XIAP: variants seen among roughly 807,000 people sequenced by gnomAD.
The protein encoded by XIAP is X-linked inhibitor of apoptosis.
XIAP carries 3 observed loss-of-function variants against 33.1 expected under a neutral mutation model. The ratio of observed to expected loss-of-function variants is 0.09; its 90% confidence interval spans 0.04 to 0.23. The LOEUF (loss-of-function observed/expected upper bound fraction) is 0.23. Ranked by LOEUF, XIAP falls within the 10% of genes least tolerant of loss-of-function variation. XIAP has a pLI of 1.00. For synonymous variants in XIAP, 98 were observed against 121.3 expected (o/e 0.81, Z 1.26); for missense variants, 264 against 363.0 (o/e 0.73, Z 2.22).
Position 123,909,534 on chromosome X carries a change from TA to T in XIAP, c.*2357del, listed in dbSNP as rs1332180474. On this transcript the variant is annotated 3_prime_UTR_variant, in exon 7 of 7. Transcript: ENST00000371199. The stretch of plus-strand genomic sequence containing the variant: ...AAGGGGAGAAAAGTGTTAAAATTTT[TA>T]AAATATGTTTTCCAGGACACTTCAC... The T allele has an allele frequency of 3.1e-6, 1 of 325,476 alleles. No individual in the cohort carries two copies. The highest frequency in any genetic ancestry group is 9.7e-5 in the East Asian group (1 of 10,260). 26.8% of individuals were successfully genotyped at this position (325,476 alleles called of 1,213,427 possible). A position where few individuals can be genotyped will look rare whatever the true frequency, so the allele number is the denominator to read the frequency against.
At chrX:123,879,317 T>TCA (rs2053275589) in intron 1 of XIAP, 1 of 90,999 alleles carries the variant, frequency 1.1e-5, no homozygotes, top group African/African-American at 4.2e-5. Flanking sequence ...CAGAAAGAGT[T>TCA]TTTTTTTTTT....
At position 123,901,545 on chromosome X, in the gene XIAP, TCTC is replaced by T. The variant is rs771136668; in HGVS notation, c.1300+855_1300+857del. Reference sequence around the variant, plus strand: ...ATCCTCCCTCCAAAAAGATGAGAATTCTCCTACTGCTAAAAAAACTTAAACGTT... The same window carrying T: ...ATCCTCCCTCCAAAAAGATGAGAATTCTACTGCTAAAAAAACTTAAACGTT... On this transcript the variant is annotated intron_variant, in intron 6 of 6. Coordinates refer to ENST00000371199, the MANE Select transcript of XIAP (RefSeq NM_001167.4). Among the ~76,000 whole-genome samples, 4 of 112,228 alleles carry T rather than the reference TCTC, an allele frequency of 3.6e-5. No individual in the cohort carries two copies. The East Asian group carries it at 8.3e-4, about 23-fold the overall frequency.
At chrX:123,864,840 C>CGTGT (rs113811825) in intron 1 of XIAP, among the ~76,000 whole-genome samples, 2 of 71,889 alleles carry the variant, frequency 2.8e-5, no homozygotes, top group African/African-American at 1.0e-4. Flanking sequence ...AGGGTTTCAC[C>CGTGT]GTGTGTGTGT....
intron 1 of XIAP, among the ~76,000 whole-genome samples, chrX:123,877,761 C>A (rs1485264229): frequency 9.0e-6 from 1 of 110,722 alleles, no homozygotes; most frequent in Non-Finnish European, 1.9e-5. Context: ...ATCACGAGGT[C>A]AGGAGGTCGA....
intron 1 of XIAP, among the ~76,000 whole-genome samples, chrX:123,866,575 ATATAATATATTACATG>A (rs1180251604): frequency 9.9e-6 from 1 of 100,974 alleles, no homozygotes. Context: ...ATAATATAGT[ATATAATATATTACATG>A]TATAATATAT....
chrX:123,908,676 G>T lies in XIAP; in HGVS notation c.*1495G>T, dbSNP rs2053573053. 5.6e-6 allele frequency: 2 copies of T among 354,107 alleles called. No homozygotes were observed. Among genetic ancestry groups the T allele is most frequent in the South Asian group, 2.7e-5 (1 of 37,056 alleles). 29.2% of individuals were successfully genotyped at this position (354,107 alleles called of 1,213,427 possible). Reference sequence around the variant, plus strand: ...AGTAGTAGATACTTCTGAAATAAATGTTCTCTCAAGATCCTTAAAACCTCT... The same window carrying T: ...AGTAGTAGATACTTCTGAAATAAATTTTCTCTCAAGATCCTTAAAACCTCT... On this transcript the variant is annotated 3_prime_UTR_variant, in exon 7 of 7. Transcript: ENST00000371199.
chrX:123,908,922 A>T lies in XIAP; in HGVS notation c.*1741A>T, dbSNP rs2053574942. 2.9e-6 allele frequency: 1 copy of T among 348,578 alleles called. No individual in the cohort carries two copies. The highest frequency in any genetic ancestry group is 5.5e-6 in the Non-Finnish European group (1 of 182,375). The allele number at this position is 348,578 out of a possible 1,213,427, so 28.7% of individuals were successfully genotyped here. ...TTTGAGAGTAAAACTGTAAAAAATT[A>T]TATTTTTGTTGTACTTTCTAAGAGA... On this transcript the variant is annotated 3_prime_UTR_variant, in exon 7 of 7. Coordinates refer to ENST00000371199, the MANE Select transcript of XIAP (RefSeq NM_001167.4).
In XIAP at chrX:123,912,390, T is replaced by A. The variant is rs1479319511; in HGVS notation, c.*5209T>A. The A allele has an allele frequency of 3.1e-6, 1 of 324,389 alleles. No individual in the cohort carries two copies. Among genetic ancestry groups the A allele is most frequent in the Admixed American group, 3.2e-5 (1 of 31,450 alleles). 26.7% of individuals were successfully genotyped at this position (324,389 alleles called of 1,213,427 possible). On this transcript the variant is annotated 3_prime_UTR_variant, in exon 7 of 7. Coordinates refer to ENST00000371199, the MANE Select transcript of XIAP (RefSeq NM_001167.4). ...ATTATTTTTAAACCAACCTAATATA[T>A]TGTATTAGGTATTAAAGTCATCTGG...
chrX:123,912,068 T>C lies in XIAP; in HGVS notation c.*4887T>C, dbSNP rs970016764. ...CAAATGTTTATGTTTTCAACTACTC[T>C]TTCCACTGTACCATAACTTTCACTA... is the stretch of plus-strand genomic sequence containing the variant. On this transcript the variant is annotated 3_prime_UTR_variant, in exon 7 of 7. Coordinates refer to ENST00000371199, the MANE Select transcript of XIAP (RefSeq NM_001167.4). The C allele has an allele frequency of 1.2e-5, 4 of 326,585 alleles. No individual in the cohort carries two copies. Among genetic ancestry groups the C allele is most frequent in the African/African-American group, 8.0e-5 (3 of 37,310 alleles). The allele number at this position is 326,585 out of a possible 1,213,427, so 26.9% of individuals were successfully genotyped here.
rs757508108 is a variant in XIAP, at chrX:123,911,902, T to G, written c.*4721T>G. The G allele has an allele frequency of 3.0e-6, 1 of 328,923 alleles. No homozygotes were observed. Among genetic ancestry groups the G allele is most frequent in the South Asian group, 2.6e-5 (1 of 38,467 alleles). The allele number at this position is 328,923 out of a possible 1,213,427, so 27.1% of individuals were successfully genotyped here. A position where few individuals can be genotyped will look rare whatever the true frequency, so the allele number is the denominator to read the frequency against. On this transcript the variant is annotated 3_prime_UTR_variant, in exon 7 of 7. Coordinates refer to ENST00000371199, the MANE Select transcript of XIAP (RefSeq NM_001167.4). Reference sequence around the variant, plus strand: ...GAAGTGACCTTAGAGAGTATCCAGTTCTTTCATTTTACAGGTGAGGCAACT... The same window carrying G: ...GAAGTGACCTTAGAGAGTATCCAGTGCTTTCATTTTACAGGTGAGGCAACT...
chrX:123,891,434 A>G, intron 4 of XIAP, 118 bp downstream of exon 4: 1 of 356,335 alleles, frequency 2.8e-6, no homozygotes, highest in East Asian at 4.8e-5. Context: ...TGATATTCAC[A>G]GTATAGTATT....
chrX:123,891,376 A>G, intron 4 of XIAP, 60 bp downstream of exon 4: 2 of 570,268 alleles, frequency 3.5e-6, no homozygotes, highest in Admixed American at 3.6e-5. Context: ...TTATATTTTC[A>G]TTATGTAGTT....
chrX:123,885,623 CT>C lies in XIAP; in HGVS notation c.-32-3del. 1 of 1,197,527 alleles carries C rather than the reference CT, an allele frequency of 8.4e-7. No homozygotes were observed. Among genetic ancestry groups the C allele is most frequent in the Non-Finnish European group, 1.1e-6 (1 of 888,572 alleles). On this transcript the variant is annotated splice_polypyrimidine_tract_variant and splice_region_variant and intron_variant, in intron 1 of 6. Coordinates refer to ENST00000371199, the MANE Select transcript of XIAP (RefSeq NM_001167.4). ...TTTGGATTTCCTAATATAATGTTCT[CT>C]TTTTAGAAAAGGTGGACAAGTCCTA...
intron 1 of XIAP, among the ~76,000 whole-genome samples, chrX:123,868,614 C>G (rs1311010017): frequency 2.7e-5 from 3 of 110,776 alleles, no homozygotes; most frequent in Non-Finnish European, 5.7e-5. Flanking sequence ...CACCTGTAAT[C>G]CCAGCTACTC....
chrX:123,902,790 A>G (rs1165095648), intron 6 of XIAP, among the ~76,000 whole-genome samples: 2 of 112,132 alleles, frequency 1.8e-5, no homozygotes, highest in African/African-American at 3.2e-5. Context: ...CTGTCTTTCC[A>G]TATGAATCTG....
In XIAP at chrX:123,892,797, TTTTAA is replaced by T. The variant is rs773063906; in HGVS notation, c.1099+30_1099+34del. The T allele has an allele frequency of 2.6e-6, 3 of 1,147,942 alleles. No individual in the cohort carries two copies. The African/African-American group carries it at 5.4e-5, about 21-fold the overall frequency. 94.6% of individuals were successfully genotyped at this position (1,147,942 alleles called of 1,213,427 possible). Reference sequence around the variant, plus strand: ...TGGTAAATATGCTTGTTAACTATCCTTTTAATTTAACTGCCAATTTATTTATTTAT... The same window carrying T: ...TGGTAAATATGCTTGTTAACTATCCTTTTAACTGCCAATTTATTTATTTAT... On this transcript the variant is annotated intron_variant, in intron 5 of 6. Transcript: ENST00000371199.
chrX:123,861,004 G>A (rs1186011254), intron 1 of XIAP, among the ~76,000 whole-genome samples: 2 of 111,619 alleles, frequency 1.8e-5, no homozygotes, highest in Non-Finnish European at 3.8e-5. Flanking sequence ...ATAGTTTAAT[G>A]ACTCACAGAA....
At position 123,910,963 on chromosome X, in the gene XIAP, T is replaced by C. The variant is rs1411285312; in HGVS notation, c.*3782T>C. 2 of 326,762 alleles carry C rather than the reference T, an allele frequency of 6.1e-6. No homozygotes were observed. Among genetic ancestry groups the C allele is most frequent in the Non-Finnish European group, 5.9e-6 (1 of 169,580 alleles). The allele number at this position is 326,762 out of a possible 1,213,427, so 26.9% of individuals were successfully genotyped here. A position where few individuals can be genotyped will look rare whatever the true frequency, so the allele number is the denominator to read the frequency against. ...TTGTTAAAAAAAGGGTAGCAGTTTA[T>C]TCATCTGTGAAAGGAAAATAATACT... On this transcript the variant is annotated 3_prime_UTR_variant, in exon 7 of 7. Coordinates refer to ENST00000371199, the MANE Select transcript of XIAP (RefSeq NM_001167.4).
chrX:123,875,724 C>T (rs190280771), intron 1 of XIAP, among the ~76,000 whole-genome samples: 14 of 107,348 alleles, frequency 1.3e-4, no homozygotes, highest in African/African-American at 4.4e-4. Context: ...CTCGCTGTGT[C>T]GCCCAGGCTG....
Sources: gnomAD v4.1 joint callset for allele counts (sites outside exome capture counted in the v4.1 genomes callset) on GRCh38, gnomAD v4.1.1 for gene constraint, MANE v1.5 for transcripts, NCBI Gene and HGNC (gene_info 2026-07-23, HGNC 2026-07-21) for gene names.